FAM117B: variants seen among roughly 807,000 people sequenced by gnomAD.
FAM117B encodes protein FAM117B.
In FAM117B, 22 loss-of-function variants were observed where a neutral mutation model predicts 52.8. The observed-to-expected ratio is 0.42, with a 90% CI of 0.30 to 0.59. The LOEUF (loss-of-function observed/expected upper bound fraction) is 0.59. Ranked by LOEUF, FAM117B falls within the 20% of genes least tolerant of loss-of-function variation. FAM117B has a pLI of 0.22. For synonymous variants in FAM117B, 309 were observed against 324.1 expected (o/e 0.95, Z 0.50); for missense variants, 678 against 802.6 (o/e 0.84, Z 1.88).
chr2:202,739,323 T>A (rs1425434205), intron 4 of FAM117B, among the ~76,000 whole-genome samples: 2 of 152,180 alleles, frequency 1.3e-5, no homozygotes, highest in Non-Finnish European at 2.9e-5. Flanking sequence ...TATCATATTA[T>A]GGATATTCTA....
At chr2:202,664,666 G>A (rs1393049103) in intron 1 of FAM117B, among the ~76,000 whole-genome samples, 1 of 152,132 alleles carries the variant, frequency 6.6e-6, no homozygotes, top group Non-Finnish European at 1.5e-5. Context: ...TTAAAATTTT[G>A]ATAGTTCGTT....
Position 202,757,232 on chromosome 2 carries a change from G to A in FAM117B, c.1124G>A (p.Gly375Asp). The A allele has an allele frequency of 6.2e-7, 1 of 1,613,864 alleles. No individual in the cohort carries two copies. Among genetic ancestry groups the A allele is most frequent in the Non-Finnish European group, 8.5e-7 (1 of 1,179,910 alleles). Residue 375 changes from glycine (G) to aspartate (D), a missense_variant, in exon 6 of 8, where the codon GGC becomes GAC. Gly to Asp is a moderately conservative substitution (Grantham distance 94, BLOSUM62 -1). This residue lies in a region of FAM117B where 583 missense variants were observed against 644.8 expected (regional missense o/e 0.90). Transcript: ENST00000392238. Reference sequence around the variant, plus strand: ...TAACAGCCGCAAGATATTCCAGATGGCCATCGTGCTCCACCCCCCCTTGTA... The same window carrying A: ...TAACAGCCGCAAGATATTCCAGATGACCATCGTGCTCCACCCCCCCTTGTA... ...EQLIPQDIPDGHRAPPPLVQR... is the reference protein window; with the variant it reads ...EQLIPQDIPDDHRAPPPLVQR...
Position 202,735,366 on chromosome 2 carries a change from A to G in FAM117B, c.960+9003A>G, listed in dbSNP as rs114710016. 8.5e-3 allele frequency among the ~76,000 whole-genome samples: 1,291 copies of G among 152,310 alleles called. 23 individuals are homozygous for G. The highest frequency in any genetic ancestry group is 0.029 in the African/African-American group (1,220 of 41,566). On this transcript the variant is annotated intron_variant, in intron 4 of 7. Transcript: ENST00000392238. ...AGAAGATGATTTTTACTAGGAAATT[A>G]ATCTCTTAACATTGAAGGGACAGTA...
intron 1 of FAM117B, among the ~76,000 whole-genome samples, chr2:202,677,122 C>T (rs367718863): frequency 7.7e-4 from 116 of 150,568 alleles, no homozygotes; most frequent in African/African-American, 2.7e-3. Flanking sequence ...GGCTGGAGTA[C>T]AGTGGCGCAA....
chr2:202,747,691 A>G lies in FAM117B; in HGVS notation c.961-7847A>G, dbSNP rs184234927. ...AGCTAAAAAAGAAATAAAGAAAGCAATTCAGGTTACAATAGCTAAAAAAGA... is the reference window on the plus strand; with the variant it reads ...AGCTAAAAAAGAAATAAAGAAAGCAGTTCAGGTTACAATAGCTAAAAAAGA... On this transcript the variant is annotated intron_variant, in intron 4 of 7. Transcript: ENST00000392238. 2.6e-3 allele frequency among the ~76,000 whole-genome samples: 394 copies of G among 152,252 alleles called. 2 individuals carry two copies. Among genetic ancestry groups the G allele is most frequent in the Non-Finnish European group, 5.0e-3 (341 of 67,988 alleles).
intron 1 of FAM117B, among the ~76,000 whole-genome samples, chr2:202,685,302 C>T (rs72928921): frequency 0.18 from 27,876 of 152,074 alleles, 3,223 homozygotes; most frequent in South Asian, 0.38. Flanking sequence ...TCAATTTATA[C>T]AGAAAAAGTA....
At chr2:202,655,838 G>A (rs1291018221) in intron 1 of FAM117B, among the ~76,000 whole-genome samples, 1 of 151,704 alleles carries the variant, frequency 6.6e-6, no homozygotes, top group Non-Finnish European at 1.5e-5. Context: ...AGAACAGGGA[G>A]TTTGATCTGT....
Position 202,766,584 on chromosome 2 carries a change from A to G in FAM117B, c.*820A>G, listed in dbSNP as rs901951960. 6.6e-6 allele frequency: 1 copy of G among 152,614 alleles called. No homozygotes were observed. Among genetic ancestry groups the G allele is most frequent in the Non-Finnish European group, 1.5e-5 (1 of 68,040 alleles). 9.5% of individuals were successfully genotyped at this position (152,614 alleles called of 1,614,324 possible). On this transcript the variant is annotated 3_prime_UTR_variant, in exon 8 of 8. Coordinates refer to ENST00000392238, the MANE Select transcript of FAM117B (RefSeq NM_173511.4). ...GTAGTCTGAAGACAAGTGCTTTAAT[A>G]TGTTCTCACCCATATTGGAACTTGA...
chr2:202,741,623 G>A (rs1417112058), intron 4 of FAM117B, among the ~76,000 whole-genome samples: 6 of 151,048 alleles, frequency 4.0e-5, no homozygotes, highest in African/African-American at 9.7e-5. Flanking sequence ...TGCAAGCTCC[G>A]CCTCCTGGGT....
intron 1 of FAM117B, among the ~76,000 whole-genome samples, chr2:202,687,287 A>G (rs932509790): frequency 1.2e-4 from 18 of 152,224 alleles, no homozygotes; most frequent in African/African-American, 4.3e-4. Context: ...ACCTGGGTTC[A>G]AGAGTGGAGA....
intron 2 of FAM117B, among the ~76,000 whole-genome samples, chr2:202,717,232 A>T (rs1016611396): frequency 1.3e-5 from 2 of 152,184 alleles, no homozygotes; most frequent in African/African-American, 4.8e-5. Flanking sequence ...GCACTTTGGA[A>T]GGTTGAGAAG....
intron 4 of FAM117B, among the ~76,000 whole-genome samples, chr2:202,729,156 G>A (rs2105788655): frequency 6.6e-6 from 1 of 152,242 alleles, no homozygotes; most frequent in African/African-American, 2.4e-5. Flanking sequence ...TGGCCAACAT[G>A]GCGAAACCAC....
At chr2:202,696,831 C>A (rs778375453) in intron 2 of FAM117B, among the ~76,000 whole-genome samples, 1 of 152,064 alleles carries the variant, frequency 6.6e-6, no homozygotes, top group African/African-American at 2.4e-5. Context: ...TTTGGGAGGC[C>A]GAGATGGGTG....
At chr2:202,751,585 T>C (rs749414901) in intron 4 of FAM117B, among the ~76,000 whole-genome samples, 1 of 152,114 alleles carries the variant, frequency 6.6e-6, no homozygotes, top group Non-Finnish European at 1.5e-5. Context: ...CAGGCCAACG[T>C]TGCGAAACCT....
chr2:202,733,359 A>C (rs770545744), intron 4 of FAM117B, among the ~76,000 whole-genome samples: 13 of 152,178 alleles, frequency 8.5e-5, no homozygotes, highest in Non-Finnish European at 1.6e-4. Flanking sequence ...AACAGGGTTC[A>C]AGAGCAGAGA....
chr2:202,699,461 A>G (rs1471897570), intron 2 of FAM117B, among the ~76,000 whole-genome samples: 74 of 150,530 alleles, frequency 4.9e-4, no homozygotes, highest in African/African-American at 1.3e-3. Flanking sequence ...AAAAAAAAAA[A>G]AAAGAAAGAA....
intron 1 of FAM117B, among the ~76,000 whole-genome samples, chr2:202,651,518 G>A (rs1038258213): frequency 6.6e-6 from 1 of 150,448 alleles, no homozygotes. Context: ...GATTATAGTC[G>A]CTCACGACCA....
chr2:202,701,909 G>T (rs1451677577), intron 2 of FAM117B, among the ~76,000 whole-genome samples: 1 of 152,150 alleles, frequency 6.6e-6, no homozygotes, highest in Non-Finnish European at 1.5e-5. Context: ...TGAAAACAAA[G>T]GATTAAGAAT....
At chr2:202,677,695 T>C (rs1437513376) in intron 1 of FAM117B, among the ~76,000 whole-genome samples, 1 of 152,208 alleles carries the variant, frequency 6.6e-6, no homozygotes, top group African/African-American at 2.4e-5. Flanking sequence ...GAGGGTAGGA[T>C]TAATGATAGT....
Sources: gnomAD v4.1 joint callset for allele counts (sites outside exome capture counted in the v4.1 genomes callset) on GRCh38, gnomAD v4.1.1 for gene constraint, gnomAD v4.1.1 regional missense constraint, MANE v1.5 for transcripts, NCBI Gene and HGNC (gene_info 2026-07-23, HGNC 2026-07-21) for gene names.